CDKAL1: variants seen among roughly 807,000 people sequenced by gnomAD.
CDKAL1 encodes threonylcarbamoyladenosine tRNA methylthiotransferase.
Under a neutral mutation model 68.2 loss-of-function variants are expected in CDKAL1, and 32 were observed. That is an observed-to-expected ratio of 0.47 (90% CI 0.35 to 0.63). The LOEUF (loss-of-function observed/expected upper bound fraction) is 0.63, where lower values mean the gene tolerates loss of function less well. Among genes scored for constraint, CDKAL1 ranks in the 30% least tolerant of loss-of-function variants. CDKAL1 has a pLI of 0.00. For missense variants in CDKAL1, 606 were observed against 696.7 expected (o/e 0.87, Z 1.47); for synonymous variants, 234 against 244.3 (o/e 0.96, Z 0.39).
chr6:20,953,848 T>C (rs2150724184), intron 9 of CDKAL1, among the ~76,000 whole-genome samples: 1 of 152,304 alleles, frequency 6.6e-6, no homozygotes, highest in African/African-American at 2.4e-5. Context: ...TGAAAACCCA[T>C]ATATCCATAA....
intron 5 of CDKAL1, among the ~76,000 whole-genome samples, chr6:20,701,942 TC>T (rs1441033223): frequency 6.6e-6 from 1 of 152,206 alleles, no homozygotes; most frequent in Non-Finnish European, 1.5e-5. Flanking sequence ...TTAGGGCAGA[TC>T]CTGCTGTGAT....
At chr6:20,965,840 A>G (rs1341667700) in intron 10 of CDKAL1, among the ~76,000 whole-genome samples, 1 of 152,234 alleles carries the variant, frequency 6.6e-6, no homozygotes, top group African/African-American at 2.4e-5. Flanking sequence ...TTAGGAAGTC[A>G]GTTATGCTCA....
At chr6:20,943,143 C>T (rs796101443) in intron 9 of CDKAL1, among the ~76,000 whole-genome samples, 101 of 150,386 alleles carry the variant, frequency 6.7e-4, no homozygotes, top group African/African-American at 2.3e-3. Context: ...TCAGCTTTGT[C>T]TGAAAAGTCA....
At chr6:20,983,088 A>G (rs1183851113) in intron 10 of CDKAL1, among the ~76,000 whole-genome samples, 2 of 152,330 alleles carry the variant, frequency 1.3e-5, no homozygotes, top group East Asian at 1.9e-4. Context: ...CGTTCCAATT[A>G]AAGAACTGAC....
intron 5 of CDKAL1, among the ~76,000 whole-genome samples, chr6:20,737,623 G>A (rs1773255542): frequency 6.6e-6 from 1 of 152,060 alleles, no homozygotes; most frequent in Non-Finnish European, 1.5e-5. Flanking sequence ...TGTTTGATAA[G>A]GTATTTCACA....
At chr6:21,010,000 G>A (rs1439266074) in intron 11 of CDKAL1, among the ~76,000 whole-genome samples, 1 of 152,160 alleles carries the variant, frequency 6.6e-6, no homozygotes, top group African/African-American at 2.4e-5. Context: ...GATTTGAAAT[G>A]TTCCCAACAC....
intron 5 of CDKAL1, among the ~76,000 whole-genome samples, chr6:20,702,911 G>A (rs904331217): frequency 2.0e-5 from 3 of 152,124 alleles, no homozygotes; most frequent in Non-Finnish European, 4.4e-5. Flanking sequence ...AAGGGACCAC[G>A]CTCTTCCCTT....
At chr6:20,779,867 T>A (rs1025547437) in intron 7 of CDKAL1, among the ~76,000 whole-genome samples, 11 of 151,974 alleles carry the variant, frequency 7.2e-5, no homozygotes, top group African/African-American at 2.4e-4. Context: ...GGCCAAAACT[T>A]TATAAATGTA....
At chr6:21,155,340 A>G (rs1562077476) in intron 13 of CDKAL1, among the ~76,000 whole-genome samples, 1 of 152,162 alleles carries the variant, frequency 6.6e-6, no homozygotes, top group South Asian at 2.1e-4. Context: ...ATTTAGTACC[A>G]ATTCCTTGTA....
intron 4 of CDKAL1, among the ~76,000 whole-genome samples, chr6:20,569,852 T>C (rs1581741906): frequency 6.6e-6 from 1 of 152,246 alleles, no homozygotes; most frequent in African/African-American, 2.4e-5. Context: ...GGATTGGAAG[T>C]TAAAAAGGGA....
chr6:20,613,253 T>TC (rs1766719998), intron 4 of CDKAL1, among the ~76,000 whole-genome samples: 1 of 17,300 alleles, frequency 5.8e-5, no homozygotes, highest in African/African-American at 3.6e-4. Flanking sequence ...TTCTTTCTTT[T>TC]TTTTTTTTTT....
intron 4 of CDKAL1, among the ~76,000 whole-genome samples, chr6:20,603,771 T>TG (rs1291112869): frequency 8.9e-5 from 9 of 101,132 alleles, no homozygotes. Flanking sequence ...TTGCTAAATT[T>TG]TTTTTTTTTT....
chr6:20,882,180 A>G (rs752745026), intron 9 of CDKAL1, among the ~76,000 whole-genome samples: 3 of 152,166 alleles, frequency 2.0e-5, no homozygotes, highest in Non-Finnish European at 4.4e-5. Flanking sequence ...GTCATGTGAG[A>G]GGTGCCCTCC....
chr6:20,786,494 CTT>C (rs1197574844), intron 8 of CDKAL1, among the ~76,000 whole-genome samples: 119 of 80,766 alleles, frequency 1.5e-3, no homozygotes, highest in Middle Eastern at 0.01. Context: ...TTTTTCTTAT[CTT>C]TTTTTTTTTT....
intron 8 of CDKAL1, among the ~76,000 whole-genome samples, chr6:20,797,578 A>G (rs1288014934): frequency 6.6e-6 from 1 of 152,128 alleles, no homozygotes; most frequent in Non-Finnish European, 1.5e-5. Context: ...CAAACTGAAA[A>G]CAACTCCTGT....
At chr6:20,849,577 C>T (rs1313031230) in intron 9 of CDKAL1, among the ~76,000 whole-genome samples, 1 of 63,148 alleles carries the variant, frequency 1.6e-5, no homozygotes, top group Non-Finnish European at 3.5e-5. Context: ...AGCAAGACTC[C>T]GTCTCAAAAA....
At chr6:20,784,211 TAA>T (rs1177608844) in intron 8 of CDKAL1, among the ~76,000 whole-genome samples, 5 of 135,402 alleles carry the variant, frequency 3.7e-5, no homozygotes, top group Non-Finnish European at 3.2e-5. Context: ...GACTCCGTCT[TAA>T]AAAAAAAAAA....
At chr6:20,980,618 A>T (rs113412664) in intron 10 of CDKAL1, among the ~76,000 whole-genome samples, 1 of 152,204 alleles carries the variant, frequency 6.6e-6, no homozygotes, top group Non-Finnish European at 1.5e-5. Flanking sequence ...TAAATATTAA[A>T]ATTGTTTGAA....
intron 11 of CDKAL1, among the ~76,000 whole-genome samples, chr6:21,034,803 T>A (rs1469827419): frequency 6.6e-6 from 1 of 152,194 alleles, no homozygotes. Context: ...TTACATTTTT[T>A]AAAAATCTTG....
Sources: allele counts gnomAD v4.1 joint callset (sites outside exome capture counted in the v4.1 genomes callset), GRCh38; gene constraint gnomAD v4.1.1; transcripts MANE v1.5; gene names NCBI Gene and HGNC (gene_info 2026-07-23, HGNC 2026-07-21).